GALNT18: variants seen among roughly 807,000 people sequenced by gnomAD.
GALNT18 encodes the protein polypeptide N-acetylgalactosaminyltransferase 18.
Under a neutral mutation model 69.5 loss-of-function variants are expected in GALNT18, and 44 were observed. The ratio of observed to expected loss-of-function variants is 0.63; its 90% confidence interval spans 0.50 to 0.81. GALNT18 has a LOEUF of 0.81. Ranked by LOEUF, GALNT18 falls within the 40% of genes least tolerant of loss-of-function variation. The probability of loss-of-function intolerance (pLI) is 0.00; values close to 1 mark genes in which losing one functional copy is unlikely to be tolerated. For synonymous variants in GALNT18, 364 were observed against 318.2 expected, an observed-to-expected ratio of 1.14 and a Z score of -1.53; for missense variants, 715 against 810.0, an observed-to-expected ratio of 0.88 and a Z score of 1.42.
chr11:11,343,034 G>A (rs900433409), intron 6 of GALNT18, among the ~76,000 whole-genome samples: 1 of 152,192 alleles, frequency 6.6e-6, no homozygotes, highest in Non-Finnish European at 1.5e-5. Context: ...AATTCCAAGT[G>A]AGGAAGTGGA....
chr11:11,509,710 T>C lies in GALNT18; in HGVS notation c.236-60774A>G, dbSNP rs143509027. On this transcript the variant is annotated intron_variant, in intron 1 of 10. Transcript: ENST00000227756. ...GAAATAAATAGAGGCCTCAGCCCTTTGTGCCTAGCCACTGGCAGAGAGCAG... is the reference window on the plus strand; with the variant it reads ...GAAATAAATAGAGGCCTCAGCCCTTCGTGCCTAGCCACTGGCAGAGAGCAG... 3.4e-3 allele frequency among the ~76,000 whole-genome samples: 524 copies of C among 152,366 alleles called. 3 individuals carry two copies. Among genetic ancestry groups the C allele is most frequent in the African/African-American group, 0.012 (503 of 41,586 alleles).
At chr11:11,544,112 C>A (rs1857989125) in intron 1 of GALNT18, among the ~76,000 whole-genome samples, 1 of 152,200 alleles carries the variant, frequency 6.6e-6, no homozygotes, top group African/African-American at 2.4e-5. Context: ...TAGCCAGGAC[C>A]CCTGGATGCC....
chr11:11,448,217 C>CA (rs943158051), intron 2 of GALNT18, among the ~76,000 whole-genome samples: 2 of 152,006 alleles, frequency 1.3e-5, no homozygotes, highest in Non-Finnish European at 2.9e-5. Context: ...GGGGAGCTCA[C>CA]AAAAATTAAT....
intron 1 of GALNT18, among the ~76,000 whole-genome samples, chr11:11,508,308 T>A (rs1453296979): frequency 6.6e-6 from 1 of 152,230 alleles, no homozygotes; most frequent in Non-Finnish European, 1.5e-5. Flanking sequence ...GATCTTATAA[T>A]GTGAATGTGT....
At chr11:11,324,453 G>A (rs1333782504) in intron 9 of GALNT18, among the ~76,000 whole-genome samples, 10 of 152,144 alleles carry the variant, frequency 6.6e-5, no homozygotes, top group Admixed American at 6.5e-4. Context: ...TTTGTAAAAT[G>A]GAATACTACA....
intron 1 of GALNT18, among the ~76,000 whole-genome samples, chr11:11,450,435 C>T (rs1855768186): frequency 6.6e-6 from 1 of 152,164 alleles, no homozygotes; most frequent in Admixed American, 6.5e-5. Context: ...AAAACATAGG[C>T]TCCCCCTACC....
Position 11,545,857 on chromosome 11 carries a change from A to C in GALNT18, c.235+75502T>G, listed in dbSNP as rs570172990. On this transcript the variant is annotated intron_variant, in intron 1 of 10. Transcript: ENST00000227756. The stretch of plus-strand genomic sequence containing the variant: ...GTGCCCAAGGGAAGGCCTGGATCCC[A>C]GGGGGGATGTGGTCATTTGGCCTGC... Among the ~76,000 whole-genome samples the C allele has an allele frequency of 1.4e-4, 21 of 152,268 alleles. No homozygotes were observed. The South Asian group carries it at 3.7e-3, about 27-fold the overall frequency.
chr11:11,520,152 T>C (rs923869710), intron 1 of GALNT18, among the ~76,000 whole-genome samples: 6 of 152,228 alleles, frequency 3.9e-5, no homozygotes, highest in Non-Finnish European at 5.9e-5. Flanking sequence ...CTTGTAGCGC[T>C]TACTGCATGC....
intron 1 of GALNT18, among the ~76,000 whole-genome samples, chr11:11,471,911 G>T (rs547931651): frequency 6.6e-6 from 1 of 152,350 alleles, no homozygotes; most frequent in East Asian, 1.9e-4. Flanking sequence ...CAGCAGCACA[G>T]TTGTCTGGGG....
chr11:11,280,702 A>C (rs1175594874), intron 10 of GALNT18, among the ~76,000 whole-genome samples: 1 of 152,174 alleles, frequency 6.6e-6, no homozygotes, highest in Non-Finnish European at 1.5e-5. Context: ...TCTGCCCCTC[A>C]GGACTGACCA....
intron 3 of GALNT18, among the ~76,000 whole-genome samples, chr11:11,391,616 A>G (rs1854192542): frequency 6.6e-6 from 1 of 152,260 alleles, no homozygotes; most frequent in African/African-American, 2.4e-5. Context: ...CATTCACTGC[A>G]ATCTCCTGAG....
intron 9 of GALNT18, among the ~76,000 whole-genome samples, chr11:11,310,311 A>G (rs1849647935): frequency 6.6e-6 from 1 of 152,230 alleles, no homozygotes; most frequent in Non-Finnish European, 1.5e-5. Flanking sequence ...CCATTTTGTA[A>G]TCACCACTTA....
chr11:11,488,886 CTT>C (rs1465684336), intron 1 of GALNT18, among the ~76,000 whole-genome samples: 1 of 152,210 alleles, frequency 6.6e-6, no homozygotes, highest in Admixed American at 6.5e-5. Context: ...GCTTTAACCT[CTT>C]TGTTCTTCAC....
chr11:11,419,556 C>T, intron 3 of GALNT18, among the ~76,000 whole-genome samples: 1 of 132,940 alleles, frequency 7.5e-6, no homozygotes, highest in South Asian at 2.4e-4. Context: ...GAGATCATGC[C>T]ACTGCACTCT....
Position 11,432,830 on chromosome 11 carries a change from AGT to A in GALNT18, c.429-45_429-44del. On this transcript the variant is annotated intron_variant, in intron 2 of 10. Transcript: ENST00000227756. The surrounding 1 kb of genome is among the most constrained non-coding windows in gnomAD (Gnocchi z 5.8). ...GCGCTTAGATTTGTGACTCAGCTGG[AGT>A]CATCTCAGGAGCTGACCCAGCCCAT... The A allele has an allele frequency of 6.3e-7, 1 of 1,591,742 alleles. No homozygotes were observed.
intron 1 of GALNT18, among the ~76,000 whole-genome samples, chr11:11,481,528 C>A (rs1186020022): frequency 6.6e-6 from 1 of 151,942 alleles, no homozygotes; most frequent in Non-Finnish European, 1.5e-5. Context: ...CTGACTTTCC[C>A]AAGGGACAAG....
At chr11:11,307,453 T>C (rs973624630) in intron 9 of GALNT18, among the ~76,000 whole-genome samples, 4 of 152,186 alleles carry the variant, frequency 2.6e-5, no homozygotes. Context: ...GGCATGTCCA[T>C]TTTTAGATGA....
intron 1 of GALNT18, among the ~76,000 whole-genome samples, chr11:11,517,665 C>T (rs895876553): frequency 3.9e-5 from 6 of 151,968 alleles, no homozygotes; most frequent in African/African-American, 1.5e-4. Flanking sequence ...TATCCCCTTG[C>T]GAGACTAGCT....
At chr11:11,536,247 T>C (rs1024635410) in intron 1 of GALNT18, among the ~76,000 whole-genome samples, 1 of 152,216 alleles carries the variant, frequency 6.6e-6, no homozygotes, top group African/African-American at 2.4e-5. Flanking sequence ...ATTTCCTCAC[T>C]GAACTCAATC....
Sources: gnomAD v4.1 joint callset for allele counts (sites outside exome capture counted in the v4.1 genomes callset) on GRCh38, gnomAD v4.1.1 for gene constraint, Gnocchi (gnomAD v3.1) non-coding constraint, MANE v1.5 for transcripts, NCBI Gene and HGNC (gene_info 2026-07-23, HGNC 2026-07-21) for gene names.